Variants in KCNH5 observed in about 807,000 individuals in gnomAD.
KCNH5 encodes the protein voltage-gated delayed rectifier potassium channel KCNH5.
KCNH5 carries 46 observed loss-of-function variants against 96.1 expected under a neutral mutation model. That is an observed-to-expected ratio of 0.48 (90% CI 0.38 to 0.61). The LOEUF is 0.61. Ranked by LOEUF, KCNH5 falls within the 20% of genes least tolerant of loss-of-function variation. The probability of loss-of-function intolerance (pLI) is 0.00; values close to 1 mark genes in which losing one functional copy is unlikely to be tolerated. For synonymous variants in KCNH5, 439 were observed against 449.8 expected, an observed-to-expected ratio of 0.98 and a Z score of 0.30; for missense variants, 907 against 1,225.8, an observed-to-expected ratio of 0.74 and a Z score of 3.88.
chr14:63,041,498 G>A (rs772275893), intron 1 of KCNH5, among the ~76,000 whole-genome samples: 3 of 152,028 alleles, frequency 2.0e-5, no homozygotes, highest in Non-Finnish European at 2.9e-5. Context: ...TATTTTGATC[G>A]TACTAGCCAA....
chr14:62,970,702 G>A (rs965869745), intron 6 of KCNH5, among the ~76,000 whole-genome samples: 16 of 152,108 alleles, frequency 1.1e-4, no homozygotes, highest in African/African-American at 3.9e-4. Context: ...CAACATTTGA[G>A]AGTCAGTTAA....
At chr14:62,915,660 T>G (rs1889259196) in intron 7 of KCNH5, among the ~76,000 whole-genome samples, 1 of 152,158 alleles carries the variant, frequency 6.6e-6, no homozygotes, top group African/African-American at 2.4e-5. Flanking sequence ...AAAATGCTAT[T>G]CCAATAAGCA....
At chr14:62,884,468 T>C (rs915222089) in intron 7 of KCNH5, among the ~76,000 whole-genome samples, 2 of 152,086 alleles carry the variant, frequency 1.3e-5, no homozygotes, top group Non-Finnish European at 2.9e-5. Context: ...TCTACTAAAA[T>C]ACAAAAAATT....
Position 62,702,534 on chromosome 14 carries a change from C to A in KCNH5, c.*4974G>T, listed in dbSNP as rs939961018. ...ATGCCATCCTGGACAAGTTCCTTAACCTATACCTTCATGGGGTTGCTGCAA... is the reference window on the plus strand; with the variant it reads ...ATGCCATCCTGGACAAGTTCCTTAAACTATACCTTCATGGGGTTGCTGCAA... On this transcript the variant is annotated 3_prime_UTR_variant, in exon 11 of 11. Coordinates refer to ENST00000322893, the MANE Select transcript of KCNH5 (RefSeq NM_139318.5). The A allele has an allele frequency of 3.3e-5, 5 of 151,976 alleles. No homozygotes were observed. In the East Asian group the frequency reaches 9.6e-4, roughly 29 times the overall value. 9.4% of individuals were successfully genotyped at this position (151,976 alleles called of 1,614,324 possible).
chr14:62,765,077 C>CA (rs1885831243), intron 10 of KCNH5, among the ~76,000 whole-genome samples: 1 of 152,048 alleles, frequency 6.6e-6, no homozygotes, highest in African/African-American at 2.4e-5. Context: ...TAATTCTAAG[C>CA]AAAAAGAACA....
chr14:62,837,885 G>C (rs1057086481), intron 8 of KCNH5, among the ~76,000 whole-genome samples: 1 of 152,158 alleles, frequency 6.6e-6, no homozygotes, highest in Admixed American at 6.6e-5. Context: ...TTCAAATTGT[G>C]TTATTAGACA....
intron 4 of KCNH5, among the ~76,000 whole-genome samples, chr14:62,995,126 A>G (rs1481629567): frequency 6.6e-6 from 1 of 152,060 alleles, no homozygotes; most frequent in Non-Finnish European, 1.5e-5. Context: ...GAGTCCATTT[A>G]TTTAAGTCTT....
intron 7 of KCNH5, among the ~76,000 whole-genome samples, chr14:62,944,383 C>A (rs1196335401): frequency 2.0e-5 from 3 of 152,080 alleles, no homozygotes; most frequent in African/African-American, 7.2e-5. Flanking sequence ...TATAAGGTTA[C>A]AAGTGGTGCT....
At chr14:62,838,659 C>CTGA (rs1372322776) in intron 8 of KCNH5, among the ~76,000 whole-genome samples, 2 of 152,126 alleles carry the variant, frequency 1.3e-5, no homozygotes, top group Non-Finnish European at 2.9e-5. Flanking sequence ...CTACCAGATA[C>CTGA]TGATATTCAA....
At chr14:62,923,356 C>T (rs1889414296) in intron 7 of KCNH5, among the ~76,000 whole-genome samples, 1 of 151,852 alleles carries the variant, frequency 6.6e-6, no homozygotes. Flanking sequence ...CCCATGTTCA[C>T]AGATTGAAAG....
intron 6 of KCNH5, among the ~76,000 whole-genome samples, chr14:62,962,862 T>TTTCA (rs1444434913): frequency 2.0e-5 from 3 of 152,102 alleles, no homozygotes; most frequent in Admixed American, 2.0e-4. Flanking sequence ...TTCCCAAAGG[T>TTTCA]TTCAGCAAAA....
intron 1 of KCNH5, among the ~76,000 whole-genome samples, chr14:63,043,598 G>A (rs3850310): frequency 6.6e-6 from 1 of 152,110 alleles, no homozygotes; most frequent in Non-Finnish European, 1.5e-5. Context: ...GACCCTATTC[G>A]CTATTTTTTC....
At chr14:62,996,313 AAT>A (rs765647318) in intron 4 of KCNH5, among the ~76,000 whole-genome samples, 4 of 152,170 alleles carry the variant, frequency 2.6e-5, no homozygotes. Flanking sequence ...TACATTTTAC[AAT>A]ACTTTTTCAA....
intron 7 of KCNH5, among the ~76,000 whole-genome samples, chr14:62,934,136 C>CT (rs71451286): frequency 0.35 from 48,809 of 141,284 alleles, 8,501 homozygotes; most frequent in South Asian, 0.6. Context: ...TTCTTTCTTT[C>CT]TTTTTTTTTT....
chr14:62,899,809 G>A (rs1225695059), intron 7 of KCNH5, among the ~76,000 whole-genome samples: 2 of 145,392 alleles, frequency 1.4e-5, no homozygotes, highest in Non-Finnish European at 3.0e-5. Context: ...ACTCCAGCCT[G>A]GGCGACAGAG....
chr14:63,027,789 T>C (rs1458276617), intron 1 of KCNH5, among the ~76,000 whole-genome samples: 1 of 152,076 alleles, frequency 6.6e-6, no homozygotes, highest in Non-Finnish European at 1.5e-5. Flanking sequence ...AAAGAAAGAC[T>C]GTAAACATTA....
chr14:62,996,604 A>C (rs1890909647), intron 4 of KCNH5, among the ~76,000 whole-genome samples: 1 of 152,226 alleles, frequency 6.6e-6, no homozygotes, highest in South Asian at 2.1e-4. Flanking sequence ...TGTGATTCTG[A>C]TGTGGAGATG....
intron 1 of KCNH5, among the ~76,000 whole-genome samples, chr14:63,032,950 T>A (rs1188531320): frequency 6.6e-6 from 1 of 152,122 alleles, no homozygotes; most frequent in African/African-American, 2.4e-5. Context: ...CGCAAATGCT[T>A]GGGCCAAAAC....
At chr14:63,004,074 G>A (rs1891081785) in intron 3 of KCNH5, among the ~76,000 whole-genome samples, 1 of 152,118 alleles carries the variant, frequency 6.6e-6, no homozygotes, top group South Asian at 2.1e-4. Context: ...TCCCCCATTT[G>A]CAAAATGGTG....
Sources: gnomAD v4.1 joint callset for allele counts (sites outside exome capture counted in the v4.1 genomes callset) on GRCh38, gnomAD v4.1.1 for gene constraint, MANE v1.5 for transcripts, NCBI Gene and HGNC (gene_info 2026-07-23, HGNC 2026-07-21) for gene names.